The following FRAS1 variants were observed in gnomAD, a reference collection of about 807,000 sequenced individuals.
The protein encoded by FRAS1 is extracellular matrix organizing protein FRAS1.
A neutral mutation model predicts 435.2 loss-of-function variants in FRAS1; 290 were observed. That is an observed-to-expected ratio of 0.67 (90% CI 0.61 to 0.73). The LOEUF is 0.73. Ranked by LOEUF, FRAS1 falls within the 30% of genes least tolerant of loss-of-function variation. The pLI, the probability that FRAS1 is intolerant of heterozygous loss-of-function variation, is 0.00. For missense variants in FRAS1, 4,860 were observed against 5,001.5 expected (o/e 0.97, Z 0.85); for synonymous variants, 1,800 against 1,851.0 (o/e 0.97, Z 0.71).
intron 2 of FRAS1, among the ~76,000 whole-genome samples, chr4:78,133,358 G>A (rs1719769252): frequency 6.7e-6 from 1 of 148,672 alleles, no homozygotes; most frequent in South Asian, 2.2e-4. Context: ...GTAGAAGGAT[G>A]TTTACCAGAG....
chr4:78,122,580 T>C (rs1211998309), intron 2 of FRAS1, among the ~76,000 whole-genome samples: 1 of 152,214 alleles, frequency 6.6e-6, no homozygotes, highest in Non-Finnish European at 1.5e-5. Flanking sequence ...TGAACTAATT[T>C]ACACTCCCAC....
At chr4:78,410,103 C>T (rs905728781) in intron 31 of FRAS1, among the ~76,000 whole-genome samples, 3 of 152,122 alleles carry the variant, frequency 2.0e-5, no homozygotes, top group African/African-American at 7.2e-5. Context: ...AAGGCAAAGA[C>T]CTCAATCAAA....
rs11355997 is a variant in FRAS1, at chr4:78,536,191, A to ATTTTTTTTTT, written c.11093-792_11093-783dup. 1.5e-3 allele frequency among the ~76,000 whole-genome samples: 155 copies of ATTTTTTTTTT among 103,978 alleles called. 2 individuals are homozygous for ATTTTTTTTTT. Among genetic ancestry groups the ATTTTTTTTTT allele is most frequent in the African/African-American group, 5.7e-3 (151 of 26,554 alleles). 68.2% of individuals were successfully genotyped at this position (103,978 alleles called of 152,430 possible). The stretch of plus-strand genomic sequence containing the variant: ...GAAGCATTCAGTATTTTGTACATGG[A>ATTTTTTTTTT]TTTTTTTTTTTTTTTTTTTTTGCCT... On this transcript the variant is annotated intron_variant, in intron 71 of 73. Coordinates refer to ENST00000512123, the MANE Select transcript of FRAS1 (RefSeq NM_025074.7).
In FRAS1 at chr4:78,286,559, C is replaced by G. The variant is rs1727616867; in HGVS notation, c.1534+20C>G. 1 of 1,607,852 alleles carries G rather than the reference C, an allele frequency of 6.2e-7. No individual in the cohort carries two copies. Among genetic ancestry groups the G allele is most frequent in the African/African-American group, 1.3e-5 (1 of 74,932 alleles). Reference sequence around the variant, plus strand: ...GTGCAGGTAATCTCTGGCTGGGCCACAGTTGGGCCAGCTACCAAGACAGCT... The same window carrying G: ...GTGCAGGTAATCTCTGGCTGGGCCAGAGTTGGGCCAGCTACCAAGACAGCT... On this transcript the variant is annotated intron_variant, in intron 14 of 73. Transcript: ENST00000512123.
intron 20 of FRAS1, among the ~76,000 whole-genome samples, chr4:78,347,391 T>C (rs916892139): frequency 3.9e-5 from 6 of 152,210 alleles, no homozygotes; most frequent in African/African-American, 1.4e-4. Context: ...GGAGGAGAAC[T>C]TTTCTTGAAT....
intron 2 of FRAS1, among the ~76,000 whole-genome samples, chr4:78,138,042 G>T (rs910614143): frequency 2.6e-5 from 4 of 152,162 alleles, no homozygotes; most frequent in Non-Finnish European, 5.9e-5. Context: ...AATCTGAGAT[G>T]CGAGCTTCCA....
chr4:78,404,309 CAGTAG>C (rs1578302149), intron 30 of FRAS1, among the ~76,000 whole-genome samples: 2 of 151,652 alleles, frequency 1.3e-5, no homozygotes, highest in African/African-American at 4.8e-5. Context: ...AGGAAATCCC[CAGTAG>C]AGATCATTTT....
intron 58 of FRAS1, among the ~76,000 whole-genome samples, chr4:78,487,659 G>A (rs935603908): frequency 6.6e-6 from 1 of 152,112 alleles, no homozygotes; most frequent in Non-Finnish European, 1.5e-5. Context: ...TTCTGGAGTT[G>A]GGAGGAAAAT....
At chr4:78,427,955 T>C (rs953811000) in intron 35 of FRAS1, among the ~76,000 whole-genome samples, 1 of 152,212 alleles carries the variant, frequency 6.6e-6, no homozygotes, top group Non-Finnish European at 1.5e-5. Flanking sequence ...AACCAACACA[T>C]AGACAAGCTT....
chr4:78,194,051 G>C (rs1159838890), intron 2 of FRAS1, among the ~76,000 whole-genome samples: 1 of 152,182 alleles, frequency 6.6e-6, no homozygotes, highest in African/African-American at 2.4e-5. Context: ...GTCTGGATAT[G>C]AAATTCTGGG....
At chr4:78,167,233 A>G (rs774376000) in intron 2 of FRAS1, among the ~76,000 whole-genome samples, 3 of 152,186 alleles carry the variant, frequency 2.0e-5, no homozygotes, top group Non-Finnish European at 4.4e-5. Context: ...ACTTTCTTCC[A>G]TGTACCAAAG....
At chr4:78,513,597 T>C in intron 65 of FRAS1, 45 bp downstream of exon 65, 1 of 1,551,890 alleles carries the variant, frequency 6.4e-7, no homozygotes, top group Non-Finnish European at 8.8e-7. Flanking sequence ...GCTAGCCCAG[T>C]GCAGTTGACT....
At chr4:78,220,993 C>A (rs920246210) in intron 2 of FRAS1, among the ~76,000 whole-genome samples, 4 of 151,998 alleles carry the variant, frequency 2.6e-5, no homozygotes, top group Non-Finnish European at 5.9e-5. Context: ...CATGGCAAAA[C>A]CCTGTCTCTA....
intron 2 of FRAS1, among the ~76,000 whole-genome samples, chr4:78,165,521 G>C (rs1222706029): frequency 6.6e-6 from 1 of 152,186 alleles, no homozygotes; most frequent in Non-Finnish European, 1.5e-5. Context: ...GCAGGGCTGA[G>C]ATAGATAACA....
At chr4:78,074,160 G>C (rs968263263) in intron 2 of FRAS1, among the ~76,000 whole-genome samples, 1 of 151,606 alleles carries the variant, frequency 6.6e-6, no homozygotes, top group Admixed American at 6.6e-5. Flanking sequence ...AAATTGAATG[G>C]GTGGGGGTGG....
intron 2 of FRAS1, among the ~76,000 whole-genome samples, chr4:78,228,757 A>G (rs1354678197): frequency 1.3e-5 from 2 of 152,230 alleles, no homozygotes; most frequent in African/African-American, 4.8e-5. Context: ...ATCGTGATCA[A>G]CAGGCTTAGA....
At chr4:78,388,042 G>T (rs1376336258) in intron 29 of FRAS1, among the ~76,000 whole-genome samples, 1 of 152,086 alleles carries the variant, frequency 6.6e-6, no homozygotes, top group Non-Finnish European at 1.5e-5. Flanking sequence ...AACAGCTCAT[G>T]AGGCCAGGTG....
chr4:78,542,511 T>C lies in FRAS1; in HGVS notation c.*1387T>C, dbSNP rs1328569955. On this transcript the variant is annotated 3_prime_UTR_variant, in exon 74 of 74. Transcript: ENST00000512123. ...TCCTCTTCTGATGCATGGCACACCATAGTCACCAAGCAAATAACAGAGCCT... is the reference window on the plus strand; with the variant it reads ...TCCTCTTCTGATGCATGGCACACCACAGTCACCAAGCAAATAACAGAGCCT... 1 of 152,666 alleles carries C rather than the reference T, an allele frequency of 6.6e-6. No homozygotes were observed. The highest frequency in any genetic ancestry group is 6.5e-5 in the Admixed American group (1 of 15,284). The allele number at this position is 152,666 out of a possible 1,614,324, so 9.5% of individuals were successfully genotyped here.
chr4:78,125,368 T>G (rs1719286431), intron 2 of FRAS1, among the ~76,000 whole-genome samples: 1 of 152,184 alleles, frequency 6.6e-6, no homozygotes, highest in Non-Finnish European at 1.5e-5. Context: ...TTGTTATAAT[T>G]TCTGTTTTTT....
Sources: allele counts gnomAD v4.1 joint callset (sites outside exome capture counted in the v4.1 genomes callset), GRCh38; gene constraint gnomAD v4.1.1; transcripts MANE v1.5; gene names NCBI Gene and HGNC (gene_info 2026-07-23, HGNC 2026-07-21).